CENPW: variants seen among roughly 807,000 people sequenced by gnomAD.
CENPW encodes centromere protein W.
A neutral mutation model predicts 11.1 loss-of-function variants in CENPW; 3 were observed. The ratio of observed to expected loss-of-function variants is 0.27; its 90% CI spans 0.12 to 0.70. CENPW has a LOEUF of 0.70. Among genes scored for constraint, CENPW ranks in the 30% least tolerant of loss-of-function variants. The pLI is 0.77. For synonymous variants in CENPW, 38 were observed against 42.0 expected (o/e 0.91, Z 0.37); for missense variants, 100 against 105.6 (o/e 0.95, Z 0.23).
intron 1 of CENPW, among the ~76,000 whole-genome samples, chr6:126,345,240 A>G (rs974869027): frequency 6.6e-6 from 1 of 151,972 alleles, no homozygotes; most frequent in Non-Finnish European, 1.5e-5. Flanking sequence ...TATATGACAT[A>G]TCAGAGCTTG....
At chr6:126,344,139 G>A (rs1343546551) in intron 1 of CENPW, among the ~76,000 whole-genome samples, 1 of 152,202 alleles carries the variant, frequency 6.6e-6, no homozygotes. Context: ...TGGGGATACA[G>A]TGTTGAAAAG....
the CENPW span, among the ~76,000 whole-genome samples, chr6:126,472,154 G>A: frequency 6.6e-6 from 1 of 152,032 alleles, no homozygotes; most frequent in African/African-American, 2.4e-5. Context: ...AAGCTCTTTA[G>A]TATGTTACAA....
chr6:126,475,635 CTCTGTTAAGTCACTTAACCTT>C, the CENPW span, among the ~76,000 whole-genome samples: 1 of 151,988 alleles, frequency 6.6e-6, no homozygotes, highest in Admixed American at 6.6e-5. Flanking sequence ...TAGCAGTCAT[CTCTGTTAAGTCACTTAACCTT>C]TCTTATGTTT....
chr6:126,385,686 G>A, the CENPW span, among the ~76,000 whole-genome samples: 1 of 151,964 alleles, frequency 6.6e-6, no homozygotes, highest in African/African-American at 2.4e-5. Context: ...GATAGTGAGT[G>A]AGTTCTTATG....
At chr6:126,390,977 G>A in the CENPW span, among the ~76,000 whole-genome samples, 1 of 151,742 alleles carries the variant, frequency 6.6e-6, no homozygotes, top group African/African-American at 2.4e-5. Flanking sequence ...CCTTTCTTTG[G>A]GGGTATATAC....
chr6:126,365,623 G>T, the CENPW span, among the ~76,000 whole-genome samples: 1 of 152,060 alleles, frequency 6.6e-6, no homozygotes, highest in Admixed American at 6.6e-5. Flanking sequence ...ATAAGATTTG[G>T]GTGGGGACAC....
chr6:126,432,931 C>G, the CENPW span, among the ~76,000 whole-genome samples: 1 of 152,108 alleles, frequency 6.6e-6, no homozygotes, highest in Non-Finnish European at 1.5e-5. Flanking sequence ...ATATGGCCTT[C>G]TTATGAAAAC....
the CENPW span, among the ~76,000 whole-genome samples, chr6:126,449,585 G>T: frequency 6.6e-6 from 1 of 151,038 alleles, no homozygotes; most frequent in Non-Finnish European, 1.5e-5. Flanking sequence ...ATTAATCTCT[G>T]CAGATTTACC....
the CENPW span, among the ~76,000 whole-genome samples, chr6:126,438,314 C>T: frequency 2.0e-5 from 3 of 151,460 alleles, no homozygotes; most frequent in Non-Finnish European, 3.0e-5. Flanking sequence ...GGATACAAAC[C>T]TTAAATAAAA....
At chr6:126,383,810 T>A in the CENPW span, among the ~76,000 whole-genome samples, 1 of 152,082 alleles carries the variant, frequency 6.6e-6, no homozygotes, top group East Asian at 1.9e-4. Flanking sequence ...CTTAGACTCC[T>A]AGACAGTAAT....
the CENPW span, among the ~76,000 whole-genome samples, chr6:126,367,865 GTGTT>G: frequency 2.6e-5 from 4 of 152,166 alleles, no homozygotes; most frequent in African/African-American, 4.8e-5. Flanking sequence ...ATTACATAAA[GTGTT>G]TGTTTAGTGT....
the CENPW span, among the ~76,000 whole-genome samples, chr6:126,441,592 G>T: frequency 1.3e-5 from 2 of 151,338 alleles, no homozygotes; most frequent in African/African-American, 4.8e-5. Context: ...TTAGCCTTTT[G>T]TCCCTCACCC....
At chr6:126,447,286 G>A in the CENPW span, among the ~76,000 whole-genome samples, 1 of 151,128 alleles carries the variant, frequency 6.6e-6, no homozygotes, top group Non-Finnish European at 1.5e-5. Flanking sequence ...AATTTTAGAT[G>A]CCAGGTAAAG....
chr6:126,391,707 C>T, the CENPW span, among the ~76,000 whole-genome samples: 1 of 151,810 alleles, frequency 6.6e-6, no homozygotes, highest in Non-Finnish European at 1.5e-5. Context: ...AGTTTTCCCA[C>T]CACCACTTAT....
At chr6:126,387,054 A>G in the CENPW span, among the ~76,000 whole-genome samples, 7 of 152,040 alleles carry the variant, frequency 4.6e-5, no homozygotes, top group Admixed American at 2.6e-4. Context: ...GAGTTAACTG[A>G]CTAGTGAAAC....
the CENPW span, among the ~76,000 whole-genome samples, chr6:126,406,153 T>C: frequency 6.6e-6 from 1 of 152,172 alleles, no homozygotes; most frequent in Admixed American, 6.6e-5. Context: ...GTTGAGTGTT[T>C]TTATTATGAT....
At chr6:126,405,541 G>C in the CENPW span, among the ~76,000 whole-genome samples, 1 of 151,800 alleles carries the variant, frequency 6.6e-6, no homozygotes, top group African/African-American at 2.4e-5. Context: ...TTCATGACAA[G>C]TGACATTGAT....
At chr6:126,352,659 AC>A (rs1392651491), downstream of CENPW, among the ~76,000 whole-genome samples, 1 of 152,026 alleles carries the variant, frequency 6.6e-6, no homozygotes, top group African/African-American at 2.4e-5. Context: ...ATGCTTACAA[AC>A]ATCCTGCATC....
chr6:126,426,699 TCAAA>T, the CENPW span, among the ~76,000 whole-genome samples: 1 of 152,116 alleles, frequency 6.6e-6, no homozygotes, highest in Admixed American at 6.6e-5. Context: ...TACTGTTACC[TCAAA>T]CAATATACAA....
Sources: allele counts gnomAD v4.1 joint callset (sites outside exome capture counted in the v4.1 genomes callset), GRCh38; gene constraint gnomAD v4.1.1; transcripts MANE v1.5; gene names NCBI Gene and HGNC (gene_info 2026-07-23, HGNC 2026-07-21).